Variants in MYO1H observed in about 807,000 individuals in gnomAD.
The protein encoded by MYO1H is myosin IH.
In MYO1H, 118 loss-of-function variants were observed where a neutral mutation model predicts 149.3. That is an observed-to-expected ratio of 0.79 (90% CI 0.68 to 0.92). The LOEUF is 0.92. Ranked by LOEUF, MYO1H falls within the 40% of genes least tolerant of loss-of-function variation. MYO1H has a pLI of 0.00. For synonymous variants in MYO1H, 447 were observed against 465.2 expected, an observed-to-expected ratio of 0.96 and a Z score of 0.50; for missense variants, 1,212 against 1,280.7, an observed-to-expected ratio of 0.95 and a Z score of 0.82.
Position 109,443,238 on chromosome 12 carries a change from G to A in MYO1H, c.2689-276G>A, listed in dbSNP as rs558458965. 2.3e-4 allele frequency among the ~76,000 whole-genome samples: 15 copies of A among 65,976 alleles called. 1 individual carries two copies. Among genetic ancestry groups the A allele is most frequent in the Admixed American group, 1.7e-3 (12 of 7,184 alleles). The allele number at this position is 65,976 out of a possible 152,430, so 43.3% of individuals were successfully genotyped here. A position where few individuals can be genotyped will look rare whatever the true frequency, so the allele number is the denominator to read the frequency against. ...CGTATATGTGTGTGTATATGTGTAC[G>A]TATATGTGTGTGTATATGTGTACGT... On this transcript the variant is annotated intron_variant, in intron 27 of 31. Coordinates refer to ENST00000310903, the Ensembl canonical transcript of MYO1H.
chr12:109,443,531 T>C, exon 28 of MYO1H: 1 of 1,613,748 alleles, frequency 6.2e-7, no homozygotes, highest in Non-Finnish European at 8.5e-7. Flanking sequence ...TCCCGGTCAT[T>C]AAATATGACA....
the MYO1H span, among the ~76,000 whole-genome samples, chr12:109,317,147 C>T: frequency 6.6e-6 from 1 of 152,150 alleles, no homozygotes; most frequent in African/African-American, 2.4e-5. Flanking sequence ...TACAATTCTC[C>T]TGATTTTGAA....
At chr12:109,343,895 G>A (rs558109544), upstream of MYO1H, among the ~76,000 whole-genome samples, 1 of 152,252 alleles carries the variant, frequency 6.6e-6, no homozygotes, top group Non-Finnish European at 1.5e-5. Context: ...TAGGTGTATT[G>A]CATAAGCTAT....
intron 19 of MYO1H, among the ~76,000 whole-genome samples, chr12:109,430,727 A>G (rs1047641508): frequency 2.6e-5 from 4 of 151,764 alleles, no homozygotes; most frequent in Non-Finnish European, 4.4e-5. Context: ...GGAGCTTGAA[A>G]CCAGCCTGGC....
At chr12:109,407,446 A>G (rs1870441489) in intron 9 of MYO1H, among the ~76,000 whole-genome samples, 1 of 152,008 alleles carries the variant, frequency 6.6e-6, no homozygotes, top group Non-Finnish European at 1.5e-5. Context: ...GCATCTTCCC[A>G]GCATGTATCC....
chr12:109,404,848 CT>C (rs11286105), intron 7 of MYO1H, among the ~76,000 whole-genome samples: 34,799 of 136,606 alleles, frequency 0.25, 4,462 homozygotes, highest in Admixed American at 0.4. Context: ...ATCTTTTTGT[CT>C]TTTTTTTTTT....
At chr12:109,414,251 G>A (rs1489516015) in intron 14 of MYO1H, among the ~76,000 whole-genome samples, 2 of 151,938 alleles carry the variant, frequency 1.3e-5, no homozygotes, top group Admixed American at 6.6e-5. Flanking sequence ...CAAGACGAGT[G>A]GATAATCTGA....
intron 9 of MYO1H, 72 bp from the exon 10 acceptor site, chr12:109,407,722 A>G (rs1870457694): frequency 1.3e-6 from 2 of 1,495,816 alleles, no homozygotes; most frequent in Admixed American, 2.3e-5. Context: ...TTTTTAAGAA[A>G]AAAGACTTCT....
chr12:109,444,429 C>G lies in MYO1H; in HGVS notation c.2896-3C>G. On this transcript the variant is annotated splice_region_variant and splice_polypyrimidine_tract_variant and intron_variant, in intron 29 of 31. Coordinates refer to ENST00000310903, the Ensembl canonical transcript of MYO1H. ...ATTATGCCTTGTCTCCTCCCCACCC[C>G]AGGGGGATGCCGTTTTGCAGTGTGG... 6.2e-7 allele frequency: 1 copy of G among 1,613,008 alleles called. No individual in the cohort carries two copies. The highest frequency in any genetic ancestry group is 2.2e-5 in the East Asian group (1 of 44,864).
Position 109,447,153 on chromosome 12 carries a change from T to C in MYO1H, c.3094-6T>C. ...GGCTGTAAACCGAAGTGTGACTCTC[T>C]CCCAGGTGTCAGTCCGGAGGAAGTC... is the stretch of plus-strand genomic sequence containing the variant. On this transcript the variant is annotated splice_polypyrimidine_tract_variant and splice_region_variant and intron_variant, in intron 31 of 31. Transcript: ENST00000310903. 3 of 1,597,768 alleles carry C rather than the reference T, an allele frequency of 1.9e-6. No homozygotes were observed. Among genetic ancestry groups the C allele is most frequent in the Non-Finnish European group, 2.6e-6 (3 of 1,171,458 alleles).
intron 19 of MYO1H, among the ~76,000 whole-genome samples, chr12:109,430,860 A>G (rs960950518): frequency 6.6e-6 from 1 of 152,174 alleles, no homozygotes; most frequent in Non-Finnish European, 1.5e-5. Flanking sequence ...CAGGAGGCAG[A>G]GGTTGCAGTG....
At chr12:109,412,112 A>G (rs903939232) in intron 14 of MYO1H, 127 bp downstream of exon 14, 2 of 606,146 alleles carry the variant, frequency 3.3e-6, no homozygotes, top group Non-Finnish European at 5.6e-6. Context: ...TATGTATACC[A>G]CTCATAGATG....
At chr12:109,344,522 A>G (rs1002885091), upstream of MYO1H, among the ~76,000 whole-genome samples, 1 of 152,216 alleles carries the variant, frequency 6.6e-6, no homozygotes, top group Non-Finnish European at 1.5e-5. Flanking sequence ...ATGCTCACAG[A>G]TTGGAAGACT....
intron 1 of MYO1H, among the ~76,000 whole-genome samples, chr12:109,351,554 C>A (rs1025955247): frequency 6.6e-6 from 1 of 152,130 alleles, no homozygotes; most frequent in Non-Finnish European, 1.5e-5. Context: ...CCTGTAATTG[C>A]GTTATATTTC....
chr12:109,342,448 A>AT, the MYO1H span, among the ~76,000 whole-genome samples: 79,624 of 148,440 alleles, frequency 0.54, 21,998 homozygotes, highest in African/African-American at 0.66. Flanking sequence ...TCCAGTCCTG[A>AT]TTTTTTTTAA....
chr12:109,344,845 T>G (rs2048097794), upstream of MYO1H, among the ~76,000 whole-genome samples: 1 of 152,208 alleles, frequency 6.6e-6, no homozygotes, highest in South Asian at 2.1e-4. Flanking sequence ...CAATTGATTT[T>G]CGACAAGGGA....
chr12:109,409,967 G>A lies in MYO1H; in HGVS notation c.1228G>A (p.Glu410Lys), dbSNP rs537935903. The A allele has an allele frequency of 6.0e-6, 9 of 1,503,326 alleles. No individual in the cohort carries two copies. In the East Asian group the frequency reaches 2.2e-4, roughly 37 times the overall value. 93.1% of individuals were successfully genotyped at this position (1,503,326 alleles called of 1,614,324 possible). Residue 410 changes from glutamate to lysine, a missense_variant, in exon 12 of 32, where the codon GAA (glutamate) becomes AAA (lysine). Physicochemically the swap from Glu to Lys is moderately conservative, Grantham distance 56. Transcript: ENST00000310903. ...TTAAATCTTTTGTATCTCTAGTTTTGAACAGTTCTGTATAAATTACTGCAA... is the reference window on the plus strand; with the variant it reads ...TTAAATCTTTTGTATCTCTAGTTTTAAACAGTTCTGTATAAATTACTGCAA...
At chr12:109,335,105 A>T in the MYO1H span, among the ~76,000 whole-genome samples, 1 of 152,144 alleles carries the variant, frequency 6.6e-6, no homozygotes, top group Non-Finnish European at 1.5e-5. Context: ...GCTCCTTTTC[A>T]TGGCTGTATA....
chr12:109,405,810 C>T (rs376382968), intron 7 of MYO1H, 112 bp from the exon 8 acceptor site: 34 of 735,366 alleles, frequency 4.6e-5, no homozygotes, highest in East Asian at 1.7e-4. Context: ...GGAATTGGGA[C>T]GGGGGCATTT....
Sources: gnomAD v4.1 joint callset for allele counts (sites outside exome capture counted in the v4.1 genomes callset) on GRCh38, gnomAD v4.1.1 for gene constraint, MANE v1.5 for transcripts, NCBI Gene and HGNC (gene_info 2026-07-23, HGNC 2026-07-21) for gene names.